The following BCHE variants were observed in gnomAD, a reference collection of about 807,000 sequenced individuals.
BCHE encodes cholinesterase.
A neutral mutation model predicts 51.3 loss-of-function variants in BCHE; 48 were observed. That is an observed-to-expected ratio of 0.94 (90% CI 0.74 to 1.19). The LOEUF (loss-of-function observed/expected upper bound fraction) is 1.19. BCHE is among the 50% of genes most tolerant of loss of function. BCHE has a pLI of 0.00. For missense variants in BCHE, 847 were observed against 708.2 expected, an observed-to-expected ratio of 1.20 and a Z score of -2.23; for synonymous variants, 251 against 238.0, an observed-to-expected ratio of 1.05 and a Z score of -0.50.
At position 165,830,928 on chromosome 3, in the gene BCHE, T is replaced by C. The variant is rs1282708839; in HGVS notation, c.106A>G (p.Thr36Ala). 1 of 1,613,820 alleles carries C rather than the reference T, an allele frequency of 6.2e-7. No homozygotes were observed. The highest frequency in any genetic ancestry group is 2.2e-5 in the East Asian group (1 of 44,866). ...ATCCCTCTGACTTTTCCATTCTTTG[T>C]TGCAATTATGATGTCATCTTCAGTA... ...SHTEDDIIIA[T>A]KNGKVRGMNL... is the part of the protein sequence containing the mutation. The change falls in exon 2 of 4, where the codon ACA (threonine) becomes GCA (alanine). Residue 36 changes from threonine (T) to alanine (A), a missense_variant. Thr to Ala is a moderately conservative substitution (Grantham distance 58). Coordinates refer to ENST00000264381, the MANE Select transcript of BCHE (RefSeq NM_000055.4).
intron 2 of BCHE, among the ~76,000 whole-genome samples, chr3:165,815,787 C>A (rs965332843): frequency 1.9e-4 from 29 of 151,946 alleles, no homozygotes; most frequent in African/African-American, 6.5e-4. Flanking sequence ...TTCTATTAGA[C>A]ATTACATAAT....
chr3:165,802,129 TGCAACCA>T (rs1560011665), intron 2 of BCHE, among the ~76,000 whole-genome samples: 1 of 152,236 alleles, frequency 6.6e-6, no homozygotes, highest in Non-Finnish European at 1.5e-5. Flanking sequence ...TCACCAGCTT[TGCAACCA>T]GAGTCTGCTA....
intron 3 of BCHE, among the ~76,000 whole-genome samples, chr3:165,784,160 A>C (rs1235381944): frequency 6.6e-6 from 1 of 151,984 alleles, no homozygotes; most frequent in East Asian, 1.9e-4. Context: ...AGCCCAGGTC[A>C]TCTGACTAAC....
intron 3 of BCHE, among the ~76,000 whole-genome samples, chr3:165,773,819 T>C (rs1712351554): frequency 6.6e-6 from 1 of 152,020 alleles, no homozygotes; most frequent in Non-Finnish European, 1.5e-5. Context: ...TTCAAGAGGA[T>C]ATGTAGATAT....
chr3:165,804,554 G>C (rs1019078912), intron 2 of BCHE, among the ~76,000 whole-genome samples: 3 of 152,162 alleles, frequency 2.0e-5, no homozygotes, highest in African/African-American at 7.2e-5. Flanking sequence ...TGCAACTGGA[G>C]GGAGGTAGAG....
intron 2 of BCHE, among the ~76,000 whole-genome samples, chr3:165,806,473 T>G (rs116463645): frequency 1.9e-3 from 287 of 152,296 alleles, no homozygotes; most frequent in African/African-American, 6.7e-3. Context: ...CAGCGGTAAG[T>G]GGTAACCTCA....
intron 2 of BCHE, among the ~76,000 whole-genome samples, chr3:165,804,750 G>T (rs1328438453): frequency 6.6e-6 from 1 of 152,124 alleles, no homozygotes; most frequent in African/African-American, 2.4e-5. Flanking sequence ...GGAATAAATT[G>T]GCTAGAGACA....
At chr3:165,820,407 A>G (rs1252441396) in intron 2 of BCHE, among the ~76,000 whole-genome samples, 1 of 152,120 alleles carries the variant, frequency 6.6e-6, no homozygotes, top group Non-Finnish European at 1.5e-5. Flanking sequence ...AAGGTAAGTT[A>G]CAGGAATACT....
intron 2 of BCHE, among the ~76,000 whole-genome samples, chr3:165,816,678 A>C (rs1454543777): frequency 6.6e-6 from 1 of 151,992 alleles, no homozygotes; most frequent in Non-Finnish European, 1.5e-5. Flanking sequence ...TCTATATTCT[A>C]TACGGATACT....
At chr3:165,787,713 A>G (rs990658769) in intron 2 of BCHE, among the ~76,000 whole-genome samples, 2 of 151,952 alleles carry the variant, frequency 1.3e-5, no homozygotes, top group African/African-American at 4.8e-5. Flanking sequence ...AGGAGATACA[A>G]TTGAATATAT....
At chr3:165,797,599 CTT>C (rs1330223846) in intron 2 of BCHE, among the ~76,000 whole-genome samples, 1 of 151,854 alleles carries the variant, frequency 6.6e-6, no homozygotes, top group East Asian at 2.0e-4. Context: ...CACTAGAACA[CTT>C]ATTTTAATAA....
chr3:165,803,247 C>T (rs1482832555), intron 2 of BCHE, among the ~76,000 whole-genome samples: 2 of 151,972 alleles, frequency 1.3e-5, no homozygotes, highest in African/African-American at 4.8e-5. Flanking sequence ...ACAAAATAAA[C>T]GAAAAGTCCC....
At chr3:165,815,312 G>A (rs924653253) in intron 2 of BCHE, among the ~76,000 whole-genome samples, 6 of 150,976 alleles carry the variant, frequency 4.0e-5, no homozygotes, top group Admixed American at 2.0e-4. Context: ...CTAGTGGTAC[G>A]CAAAAATTCT....
At chr3:165,793,688 T>C (rs1713258548) in intron 2 of BCHE, among the ~76,000 whole-genome samples, 1 of 152,180 alleles carries the variant, frequency 6.6e-6, no homozygotes, top group Non-Finnish European at 1.5e-5. Flanking sequence ...CCAAGTAATG[T>C]GAAATTCTGC....
intron 2 of BCHE, among the ~76,000 whole-genome samples, chr3:165,787,069 T>C (rs1712982924): frequency 6.6e-6 from 1 of 151,822 alleles, no homozygotes; most frequent in Non-Finnish European, 1.5e-5. Context: ...CTTGGAATTC[T>C]TTTATTTTCC....
chr3:165,803,657 A>G (rs1397343612), intron 2 of BCHE, among the ~76,000 whole-genome samples: 1 of 152,220 alleles, frequency 6.6e-6, no homozygotes, highest in African/African-American at 2.4e-5. Flanking sequence ...GACAGAATTT[A>G]CTGATTAACT....
intron 2 of BCHE, among the ~76,000 whole-genome samples, chr3:165,805,189 G>C (rs554176178): frequency 2.6e-5 from 4 of 151,942 alleles, no homozygotes; most frequent in Non-Finnish European, 5.9e-5. Context: ...AAAAAATAAC[G>C]AGCTCTTAGT....
chr3:165,816,025 A>G (rs548241220), intron 2 of BCHE, among the ~76,000 whole-genome samples: 33 of 152,172 alleles, frequency 2.2e-4, no homozygotes, highest in African/African-American at 7.2e-4. Context: ...TCATCAAAAA[A>G]AAATCAATGA....
At chr3:165,811,370 C>T (rs1348830708) in intron 2 of BCHE, among the ~76,000 whole-genome samples, 1 of 151,958 alleles carries the variant, frequency 6.6e-6, no homozygotes, top group African/African-American at 2.4e-5. Flanking sequence ...TGAAAACATC[C>T]TTACCTACAT....
Sources: allele counts gnomAD v4.1 joint callset (sites outside exome capture counted in the v4.1 genomes callset), GRCh38; gene constraint gnomAD v4.1.1; transcripts MANE v1.5; gene names NCBI Gene and HGNC (gene_info 2026-07-23, HGNC 2026-07-21).